Variants in PSPH observed in about 807,000 individuals in gnomAD.
PSPH encodes the protein phosphoserine phosphatase.
In PSPH, 16 loss-of-function variants were observed where a neutral mutation model predicts 23.4. The ratio of observed to expected loss-of-function variants is 0.68; its 90% confidence interval spans 0.46 to 1.04. The LOEUF is 1.04. PSPH is among the 50% of genes least tolerant of loss of function. The pLI is 0.00. For missense variants in PSPH, 223 were observed against 273.7 expected (o/e 0.81, Z 1.31); for synonymous variants, 68 against 99.7 (o/e 0.68, Z 1.89).
chr7:56,030,618 G>A (rs945831262), intron 3 of PSPH, among the ~76,000 whole-genome samples: 1 of 152,164 alleles, frequency 6.6e-6, no homozygotes. Flanking sequence ...CACAGTGATG[G>A]CCAGGTGCGG....
chr7:56,013,120 TAC>T (rs34353407), intron 7 of PSPH, among the ~76,000 whole-genome samples: 2 of 148,240 alleles, frequency 1.3e-5, no homozygotes, highest in Non-Finnish European at 1.5e-5. Context: ...TATATTTATA[TAC>T]ACACACATAT....
At chr7:56,013,841 A>G (rs1788253916) in intron 7 of PSPH, among the ~76,000 whole-genome samples, 1 of 152,178 alleles carries the variant, frequency 6.6e-6, no homozygotes, top group Non-Finnish European at 1.5e-5. Context: ...AGAACACAAC[A>G]TTTGGCCAGG....
At chr7:56,049,469 G>A (rs1269354370) in intron 1 of PSPH, among the ~76,000 whole-genome samples, 1 of 151,458 alleles carries the variant, frequency 6.6e-6, no homozygotes, top group Non-Finnish European at 1.5e-5. Context: ...GACAAGTCTC[G>A]CTGTTGTTGC....
intron 1 of PSPH, among the ~76,000 whole-genome samples, chr7:56,034,862 T>C (rs1791521722): frequency 6.6e-6 from 1 of 151,766 alleles, no homozygotes; most frequent in Admixed American, 6.6e-5. Flanking sequence ...AGTAACAAAA[T>C]GAGAGTCTTT....
intron 6 of PSPH, 91 bp downstream of exon 6, chr7:56,017,143 T>A (rs2116563686): frequency 6.3e-7 from 1 of 1,575,406 alleles, no homozygotes; most frequent in Non-Finnish European, 8.7e-7. Flanking sequence ...AACTCTGATG[T>A]GACTGTTCAA....
chr7:56,034,984 T>A (rs1358433167), intron 1 of PSPH, among the ~76,000 whole-genome samples: 1 of 151,084 alleles, frequency 6.6e-6, no homozygotes, highest in African/African-American at 2.4e-5. Context: ...CGATCCTTCC[T>A]CCTTGGCCTC....
chr7:56,043,861 A>AT (rs1346209170), intron 1 of PSPH, among the ~76,000 whole-genome samples: 1 of 152,062 alleles, frequency 6.6e-6, no homozygotes, highest in African/African-American at 2.4e-5. Context: ...TGAGCCAGCG[A>AT]TTTTTTTGTT....
chr7:56,044,033 C>T (rs915348005), intron 1 of PSPH, among the ~76,000 whole-genome samples: 2 of 151,912 alleles, frequency 1.3e-5, no homozygotes, highest in Non-Finnish European at 2.9e-5. Flanking sequence ...CTTGGTGCAC[C>T]GCAACTGTCG....
At chr7:56,013,420 G>A (rs1199425288) in intron 7 of PSPH, among the ~76,000 whole-genome samples, 1 of 152,084 alleles carries the variant, frequency 6.6e-6, no homozygotes. Flanking sequence ...TCAGGAGGCT[G>A]AGATGGGAAG....
At chr7:56,041,358 G>C (rs767964350) in intron 1 of PSPH, among the ~76,000 whole-genome samples, 2 of 151,672 alleles carry the variant, frequency 1.3e-5, no homozygotes, top group Non-Finnish European at 2.9e-5. Flanking sequence ...GACCACAGGT[G>C]CCTGCCACCA....
chr7:56,018,114 G>A (rs1223139253), intron 5 of PSPH, among the ~76,000 whole-genome samples: 3 of 152,042 alleles, frequency 2.0e-5, no homozygotes, highest in Admixed American at 1.3e-4. Context: ...GGGAGGCCGA[G>A]GCAGGTGGAT....
chr7:56,013,099 A>G (rs1332112673), intron 7 of PSPH, among the ~76,000 whole-genome samples: 1 of 147,190 alleles, frequency 6.8e-6, no homozygotes, highest in Non-Finnish European at 1.5e-5. Flanking sequence ...ATATATATAC[A>G]TATGTGTGTA....
At chr7:56,039,231 A>G (rs1792156339) in intron 1 of PSPH, among the ~76,000 whole-genome samples, 2 of 152,034 alleles carry the variant, frequency 1.3e-5, no homozygotes, top group South Asian at 4.1e-4. Flanking sequence ...GTGATGCTCC[A>G]ATAGCCACTG....
At chr7:56,020,218 TAAAA>T (rs576279724) in intron 4 of PSPH, among the ~76,000 whole-genome samples, 1 of 110,116 alleles carries the variant, frequency 9.1e-6, no homozygotes, top group African/African-American at 4.5e-5. Context: ...AGATTCCATC[TAAAA>T]AAAAAAAAAG....
chr7:56,031,553 C>T (rs1791002397), intron 3 of PSPH, among the ~76,000 whole-genome samples: 1 of 152,164 alleles, frequency 6.6e-6, no homozygotes, highest in African/African-American at 2.4e-5. Flanking sequence ...TGGCTCACGC[C>T]TGTAATCCCA....
rs1427948523 is a variant in PSPH, at chr7:56,021,198, T to C, written c.15A>G (p.Ser5=). The C allele has an allele frequency of 6.8e-6, 11 of 1,614,198 alleles. No individual in the cohort carries two copies. In the African/African-American group the frequency reaches 8.0e-5, roughly 12 times the overall value. ...CTGAGTAGAAAAGCTTCCTCAGCTC[T>C]GAGTGGGAGACCATCGCTGGAAGAA... is the stretch of plus-strand genomic sequence containing the variant. MVSH[S]ELRKLFYSAD... The change falls in exon 4 of 8, where the codon TCA becomes TCG. Residue 5 remains serine, a synonymous_variant. Coordinates refer to ENST00000275605, the MANE Select transcript of PSPH (RefSeq NM_004577.4).
chr7:56,022,511 G>A (rs1789606258), intron 3 of PSPH, among the ~76,000 whole-genome samples: 1 of 152,202 alleles, frequency 6.6e-6, no homozygotes, highest in East Asian at 1.9e-4. Context: ...AGAGCGAGGA[G>A]TGTGAGCAAA....
chr7:56,051,048 ATAAAG>A (rs1793985909), intron 1 of PSPH, 85 bp downstream of exon 1: 1 of 152,178 alleles, frequency 6.6e-6, no homozygotes, highest in Non-Finnish European at 1.5e-5. Context: ...AAGAAAATAA[ATAAAG>A]TAAAATACCA....
chr7:56,022,271 C>A (rs1328401473), intron 3 of PSPH, among the ~76,000 whole-genome samples: 1 of 150,780 alleles, frequency 6.6e-6, no homozygotes, highest in East Asian at 2.0e-4. Context: ...GGAGGTAGAG[C>A]TGCAGTGAGC....
Sources: allele counts gnomAD v4.1 joint callset (sites outside exome capture counted in the v4.1 genomes callset), GRCh38; gene constraint gnomAD v4.1.1; transcripts MANE v1.5; gene names NCBI Gene and HGNC (gene_info 2026-07-23, HGNC 2026-07-21).